Variants in CCDC14 observed in about 807,000 individuals in gnomAD.
CCDC14 encodes coiled-coil domain-containing protein 14.
A neutral mutation model predicts 81.4 loss-of-function variants in CCDC14; 71 were observed. The observed-to-expected ratio is 0.87, with a 90% CI of 0.72 to 1.06. The LOEUF (loss-of-function observed/expected upper bound fraction) is 1.06. Ranked by LOEUF, CCDC14 falls within the 50% of genes least tolerant of loss-of-function variation. The pLI, the probability that CCDC14 is intolerant of heterozygous loss-of-function variation, is 0.00. For synonymous variants in CCDC14, 332 were observed against 364.8 expected (o/e 0.91, Z 1.03); for missense variants, 1,046 against 1,047.3 (o/e 1.00, Z 0.02).
Position 123,915,723 on chromosome 3 carries a change from TAAG to T in CCDC14, c.1779-8_1779-6del, listed in dbSNP as rs1233640726. 1 of 1,585,902 alleles carries T rather than the reference TAAG, an allele frequency of 6.3e-7. No individual in the cohort carries two copies. Among genetic ancestry groups the T allele is most frequent in the Admixed American group, 1.8e-5 (1 of 55,486 alleles). ...GCCATGCTAGTCTGTAAAGTTCTGT[TAAG>T]AAGAATCCAGAACACTAATTATTAT... On this transcript the variant is annotated splice_polypyrimidine_tract_variant and splice_region_variant and intron_variant, in intron 12 of 12. Transcript: ENST00000409697.
intron 8 of CCDC14, among the ~76,000 whole-genome samples, chr3:123,945,392 C>T (rs923206451): frequency 4.6e-5 from 7 of 152,010 alleles, no homozygotes; most frequent in African/African-American, 1.7e-4. Flanking sequence ...ATAATACAAC[C>T]TTTGATCCTG....
At chr3:123,947,778 T>C (rs2036739837) in intron 7 of CCDC14, among the ~76,000 whole-genome samples, 1 of 152,038 alleles carries the variant, frequency 6.6e-6, no homozygotes, top group Admixed American at 6.6e-5. Flanking sequence ...AACTTACTTT[T>C]AAGCTAAAAA....
the CCDC14 span, among the ~76,000 whole-genome samples, chr3:123,889,483 G>A: frequency 6.6e-6 from 1 of 152,192 alleles, no homozygotes; most frequent in Non-Finnish European, 1.5e-5. Flanking sequence ...AACTCAGCAG[G>A]GAAGTCATTA....
At position 123,947,211 on chromosome 3, in the gene CCDC14, A is replaced by C. The variant is rs769059820; in HGVS notation, c.793T>G (p.Cys265Gly). Residue 265 changes from cysteine (C) to glycine (G), a missense_variant, in exon 8 of 13, where the codon TGT becomes GGT. Cys to Gly is a radical substitution (Grantham distance 159). Coordinates refer to ENST00000409697, the MANE Select transcript of CCDC14 (RefSeq NM_001366335.1). Reference sequence around the variant, plus strand: ...GATATGTCAGTTTTGGGCAGGCTACATGGAACTCCAGGACTGGTATTAAAT... The same window carrying C: ...GATATGTCAGTTTTGGGCAGGCTACCTGGAACTCCAGGACTGGTATTAAAT... ...NSFNTSPGVP[C>G]SLPKTDISAI... The C allele has an allele frequency of 8.1e-6, 13 of 1,614,004 alleles. No homozygotes were observed. Among genetic ancestry groups the C allele is most frequent in the Non-Finnish European group, 1.0e-5 (12 of 1,179,882 alleles).
chr3:123,893,946 C>T (rs966870781), downstream of CCDC14, among the ~76,000 whole-genome samples: 3 of 152,116 alleles, frequency 2.0e-5, no homozygotes, highest in African/African-American at 7.2e-5. Context: ...GACTATTAAT[C>T]CTTTTCTAGA....
chr3:123,942,704 G>A (rs546546354), intron 9 of CCDC14, among the ~76,000 whole-genome samples: 11 of 152,170 alleles, frequency 7.2e-5, no homozygotes, highest in African/African-American at 2.6e-4. Flanking sequence ...TTGCAGTGCT[G>A]CAGAAGCACC....
At chr3:123,917,305 C>T (rs1279725230) in intron 12 of CCDC14, among the ~76,000 whole-genome samples, 1 of 150,952 alleles carries the variant, frequency 6.6e-6, no homozygotes, top group Non-Finnish European at 1.5e-5. Context: ...ACCAGCCTGG[C>T]CAACATGGTG....
At chr3:123,943,108 GCATATACATA>G (rs2036440994) in intron 9 of CCDC14, among the ~76,000 whole-genome samples, 1 of 150,974 alleles carries the variant, frequency 6.6e-6, no homozygotes, top group African/African-American at 2.4e-5. Context: ...GTTTATTACT[GCATATACATA>G]CATACACATA....
At position 123,915,706 on chromosome 3, in the gene CCDC14, A is replaced by G; in HGVS notation, c.1791T>C (p.Thr597=). 2.5e-6 allele frequency: 4 copies of G among 1,606,938 alleles called. No individual in the cohort carries two copies. Among genetic ancestry groups the G allele is most frequent in the Non-Finnish European group, 3.4e-6 (4 of 1,177,222 alleles). The change falls in exon 13 of 13, where the codon ACT becomes ACC. Residue 597 remains threonine, a synonymous_variant. Coordinates refer to ENST00000409697, the MANE Select transcript of CCDC14 (RefSeq NM_001366335.1). ...GATCGGAGAGAAGCTTTGCCATGCT[A>G]GTCTGTAAAGTTCTGTTAAGAAGAA... ...RLRELTRTLQ[T]SMAKLLSDLS... is the part of the protein sequence containing the mutation.
At chr3:123,956,660 G>A (rs2037343505) in intron 2 of CCDC14, 80 bp downstream of exon 2, 1 of 1,136,754 alleles carries the variant, frequency 8.8e-7, no homozygotes, top group African/African-American at 1.6e-5. Context: ...TAATTTTCTG[G>A]GGTAGACGAC....
intron 9 of CCDC14, among the ~76,000 whole-genome samples, chr3:123,938,893 T>C (rs1355747746): frequency 4.0e-5 from 6 of 151,860 alleles, no homozygotes; most frequent in Admixed American, 6.6e-5. Flanking sequence ...ATTTAGGAAA[T>C]AGGATATGAA....
intron 9 of CCDC14, among the ~76,000 whole-genome samples, chr3:123,939,016 T>C (rs2036204980): frequency 6.6e-6 from 1 of 152,000 alleles, no homozygotes; most frequent in Admixed American, 6.6e-5. Context: ...CACATCTGTC[T>C]ACTCTTTTGT....
At chr3:123,934,840 G>A (rs968364626) in intron 9 of CCDC14, among the ~76,000 whole-genome samples, 5 of 151,950 alleles carry the variant, frequency 3.3e-5, no homozygotes, top group African/African-American at 1.2e-4. Context: ...TATTAATTTC[G>A]AGTTGATTAA....
Position 123,931,347 on chromosome 3 carries a change from T to C in CCDC14, c.1606A>G (p.Lys536Glu). The C allele has an allele frequency of 6.6e-7, 1 of 1,522,284 alleles. No homozygotes were observed. The highest frequency in any genetic ancestry group is 8.9e-7 in the Non-Finnish European group (1 of 1,120,504). 94.3% of individuals were successfully genotyped at this position (1,522,284 alleles called of 1,614,324 possible). Residue 536 changes from lysine (K) to glutamate (E), a missense_variant, in exon 11 of 13, where the codon AAA becomes GAA. Lys to Glu is a moderately conservative substitution (Grantham distance 56). Transcript: ENST00000409697. ...KDKDQTILEN[K>E]QQYDIEITRI... ...GTTATCTCAATATCATATTGCTGTTTATTTTCAAGTATAGTTTGATCTTTG... is the reference window on the plus strand; with the variant it reads ...GTTATCTCAATATCATATTGCTGTTCATTTTCAAGTATAGTTTGATCTTTG...
chr3:123,889,625 A>G, the CCDC14 span, among the ~76,000 whole-genome samples: 1 of 152,178 alleles, frequency 6.6e-6, no homozygotes, highest in East Asian at 1.9e-4. Flanking sequence ...CCCTGTGGCT[A>G]CTTTCACAGG....
chr3:123,906,899 G>A (rs2034324797), intron 5 of CCDC14, among the ~76,000 whole-genome samples: 1 of 152,178 alleles, frequency 6.6e-6, no homozygotes, highest in South Asian at 2.1e-4. Context: ...ATGGTGTAAT[G>A]TGTCCTTCCA....
chr3:123,915,339 T>G lies in CCDC14; in HGVS notation c.2158A>C (p.Ile720Leu). The change falls in exon 13 of 13, where the codon ATA becomes CTA. Residue 720 changes from isoleucine (I) to leucine (L), a missense_variant. Ile to Leu is a conservative substitution (Grantham distance 5, BLOSUM62 2). Transcript: ENST00000409697. ...SDEGSETMAL[I>L]EDEHNLDNTI... ...TTATCCAAATTATGCTCATCTTCTA[T>G]TAAAGCCATAGTTTCACTCCCTTCA... 1.2e-6 allele frequency: 2 copies of G among 1,613,978 alleles called. No homozygotes were observed. Among genetic ancestry groups the G allele is most frequent in the Non-Finnish European group, 1.7e-6 (2 of 1,179,892 alleles).
chr3:123,931,108 A>T lies in CCDC14; in HGVS notation c.1772T>A (p.Leu591Ter), dbSNP rs1443439453. The change falls in exon 12 of 13, where the codon TTA becomes TAA. Residue 591 changes from leucine to a stop codon, truncating the protein, a stop_gained. Transcript: ENST00000409697. LOFTEE classifies it low-confidence loss of function (END_TRUNC). ...RDAEVTRLRE[L>*]TRTLQTSMAK... Reference sequence around the variant, plus strand: ...CAAAGGAAGTCAATTTTACCTGGTTAATTCTCTTAGTCGAGTCACCTCAGC... The same window carrying T: ...CAAAGGAAGTCAATTTTACCTGGTTTATTCTCTTAGTCGAGTCACCTCAGC... 1.3e-6 allele frequency: 2 copies of T among 1,577,538 alleles called. No individual in the cohort carries two copies. The highest frequency in any genetic ancestry group is 2.8e-5 in the African/African-American group (2 of 72,672).
intron 12 of CCDC14, among the ~76,000 whole-genome samples, chr3:123,925,014 T>C (rs145606701): frequency 1.9e-4 from 29 of 151,822 alleles, no homozygotes; most frequent in African/African-American, 5.6e-4. Flanking sequence ...GTATGGGCAT[T>C]GTAGCATTAT....
Sources: allele counts gnomAD v4.1 joint callset (sites outside exome capture counted in the v4.1 genomes callset), GRCh38; gene constraint gnomAD v4.1.1; transcripts MANE v1.5; gene names NCBI Gene and HGNC (gene_info 2026-07-23, HGNC 2026-07-21).